Variants in OPTC observed in about 807,000 individuals in gnomAD.
The protein encoded by OPTC is oculoglycan.
In OPTC, 22 loss-of-function variants were observed where a neutral mutation model predicts 25.4. The observed-to-expected ratio is 0.87, with a 90% CI of 0.62 to 1.24. OPTC has a LOEUF of 1.24. OPTC is among the 50% of genes most tolerant of loss of function. The pLI is 0.00. For synonymous variants in OPTC, 169 were observed against 179.3 expected, an observed-to-expected ratio of 0.94 and a Z score of 0.46; for missense variants, 417 against 425.2, an observed-to-expected ratio of 0.98 and a Z score of 0.17.
At chr1:203,494,377 A>AT (rs1327380781) in intron 1 of OPTC, among the ~76,000 whole-genome samples, 160 bp downstream of exon 1, 3 of 152,130 alleles carry the variant, frequency 2.0e-5, no homozygotes, top group Non-Finnish European at 4.4e-5. Context: ...TCTTAGAAAA[A>AT]TTTTTTTTGA....
intron 5 of OPTC, among the ~76,000 whole-genome samples, chr1:203,500,965 G>A (rs1661383062): frequency 6.6e-6 from 1 of 152,172 alleles, no homozygotes. Flanking sequence ...TCTGCTCCCT[G>A]AAAACATACA....
At chr1:203,497,869 G>A (rs1011748428) in intron 3 of OPTC, among the ~76,000 whole-genome samples, 4 of 152,170 alleles carry the variant, frequency 2.6e-5, no homozygotes, top group African/African-American at 9.7e-5. Flanking sequence ...TAAGAAAGAT[G>A]CTGGGGCCCC....
rs373539037 is a variant in OPTC at position 203,496,225 on chromosome 1, C to A, written c.220C>A (p.Gln74Lys). Residue 74 changes from glutamine to lysine, a missense_variant, in exon 2 of 8, where the codon CAA becomes AAA. Physicochemically the swap from Gln to Lys is moderately conservative, Grantham distance 53. Transcript: ENST00000367222. ...NYEELTDYGD[Q>K]LPEVKVTSLA... is the part of the protein sequence containing the mutation. Reference sequence around the variant, plus strand: ...TGAGGAGCTCACAGATTATGGGGACCAACTCCCCGAGGTGAGGGACACAGC... The same window carrying A: ...TGAGGAGCTCACAGATTATGGGGACAAACTCCCCGAGGTGAGGGACACAGC... 6.2e-6 allele frequency: 10 copies of A among 1,611,994 alleles called. 1 individual carries two copies. The highest frequency in any genetic ancestry group is 8.5e-6 in the Non-Finnish European group (10 of 1,178,126).
At chr1:203,499,909 C>A (rs1038775816) in intron 5 of OPTC, 58 bp downstream of exon 5, 30 of 1,391,256 alleles carry the variant, frequency 2.2e-5, no homozygotes, top group Admixed American at 8.4e-5. Flanking sequence ...TCTACCACCA[C>A]CCACCTCCAC....
At chr1:203,504,522 T>C (rs1277508466) in intron 7 of OPTC, among the ~76,000 whole-genome samples, 2 of 152,218 alleles carry the variant, frequency 1.3e-5, no homozygotes, top group Non-Finnish European at 2.9e-5. Context: ...GTAAAATGTT[T>C]GCCTGCATAC....
intron 2 of OPTC, among the ~76,000 whole-genome samples, chr1:203,496,694 A>G (rs1447495057): frequency 1.3e-5 from 2 of 151,962 alleles, no homozygotes; most frequent in East Asian, 3.9e-4. Context: ...GGCCTGGGAA[A>G]TCGGGAGAGC....
intron 5 of OPTC, 147 bp downstream of exon 5, chr1:203,499,998 A>G: frequency 1.8e-6 from 1 of 566,068 alleles, no homozygotes; most frequent in South Asian, 1.8e-5. Flanking sequence ...CACCTCTACC[A>G]CCACCCACTT....
At chr1:203,497,678 C>T (rs777433221) in intron 3 of OPTC, among the ~76,000 whole-genome samples, 2 of 152,126 alleles carry the variant, frequency 1.3e-5, no homozygotes, top group Non-Finnish European at 2.9e-5. Flanking sequence ...TCATTCTGGA[C>T]CTGCTTGCCC....
intron 7 of OPTC, among the ~76,000 whole-genome samples, chr1:203,507,084 G>A (rs1414674501): frequency 6.6e-6 from 1 of 152,208 alleles, no homozygotes; most frequent in Non-Finnish European, 1.5e-5. Flanking sequence ...TCTGCACCAG[G>A]GAGGGAAGGA....
At chr1:203,504,333 TC>T (rs61280800) in intron 7 of OPTC, among the ~76,000 whole-genome samples, 1,617 of 152,312 alleles carry the variant, frequency 0.011, 19 homozygotes, top group Middle Eastern at 0.048. Flanking sequence ...TGAAGTTATT[TC>T]TGTCCATGGT....
intron 3 of OPTC, 24 bp downstream of exon 3, chr1:203,497,139 C>T: frequency 4.3e-6 from 7 of 1,613,472 alleles, no homozygotes; most frequent in Non-Finnish European, 5.1e-6. Flanking sequence ...CACATGGTCG[C>T]AATATCCCTA....
intron 1 of OPTC, among the ~76,000 whole-genome samples, chr1:203,495,500 G>A (rs2102218249): frequency 6.6e-6 from 1 of 152,280 alleles, no homozygotes; most frequent in East Asian, 1.9e-4. Context: ...CGGGAAACAA[G>A]AATGAAACTT....
At chr1:203,500,204 C>T (rs1558238295) in intron 5 of OPTC, among the ~76,000 whole-genome samples, 2 of 30,216 alleles carry the variant, frequency 6.6e-5, no homozygotes, top group Non-Finnish European at 6.9e-5. Context: ...ACCACCACCA[C>T]CACCCACCTC....
chr1:203,498,394 C>A (rs534849112), intron 3 of OPTC, among the ~76,000 whole-genome samples: 1 of 152,270 alleles, frequency 6.6e-6, no homozygotes. Flanking sequence ...CCTAGAAACA[C>A]CCACATAGGC....
intron 7 of OPTC, 109 bp from the exon 8 acceptor site, chr1:203,508,537 A>ACC: frequency 1.4e-5 from 1 of 69,594 alleles, no homozygotes; most frequent in South Asian, 4.3e-4. Flanking sequence ...GGCTCTCCCC[A>ACC]CCCCCTCCCT....
In OPTC at chr1:203,506,145, C is replaced by CTTT. The variant is rs78639556; in HGVS notation, c.*25+2404_*25+2406dup. Among the ~76,000 whole-genome samples, 17 of 89,494 alleles carry CTTT rather than the reference C, an allele frequency of 1.9e-4. 1 individual carries two copies. Among genetic ancestry groups the CTTT allele is most frequent in the African/African-American group, 2.7e-4 (7 of 26,078 alleles). 58.7% of individuals were successfully genotyped at this position (89,494 alleles called of 152,430 possible). On this transcript the variant is annotated intron_variant, in intron 7 of 7. Transcript: ENST00000367222. ...ATCCTGGATTGAGGAATCCAATTTT[C>CTTT]TTTTTTCTTTTTTTTTTTTTTTTGA...
intron 1 of OPTC, 96 bp from the exon 2 acceptor site, chr1:203,495,868 TG>T (rs1393950176): frequency 1.3e-5 from 9 of 694,844 alleles, no homozygotes; most frequent in Non-Finnish European, 2.4e-5. Context: ...TCTGCAAGTG[TG>T]GGGGTGGGAA....
intron 4 of OPTC, among the ~76,000 whole-genome samples, chr1:203,499,331 C>G (rs561559369): frequency 3.9e-5 from 6 of 152,190 alleles, no homozygotes; most frequent in African/African-American, 1.4e-4. Context: ...TTTAGACTCA[C>G]AAGTGGAGGT....
chr1:203,507,132 C>T (rs1303365582), intron 7 of OPTC, among the ~76,000 whole-genome samples: 1 of 152,174 alleles, frequency 6.6e-6, no homozygotes, highest in Admixed American at 6.5e-5. Flanking sequence ...AGAGAGAAAC[C>T]CCACAGCTGT....
Sources: allele counts gnomAD v4.1 joint callset (sites outside exome capture counted in the v4.1 genomes callset), GRCh38; gene constraint gnomAD v4.1.1; transcripts MANE v1.5; gene names NCBI Gene and HGNC (gene_info 2026-07-23, HGNC 2026-07-21).